Variants in METTL2B observed in about 807,000 individuals in gnomAD.
METTL2B encodes the protein methyltransferase 2B, tRNA N3-cytidine.
Under a neutral mutation model 51.0 loss-of-function variants are expected in METTL2B, and 28 were observed. The observed-to-expected ratio is 0.55, with a 90% CI of 0.41 to 0.75. METTL2B has a LOEUF of 0.75. METTL2B is among the 30% of genes least tolerant of loss of function. METTL2B has a pLI of 0.00. For missense variants in METTL2B, 313 were observed against 460.7 expected (o/e 0.68, Z 2.93); for synonymous variants, 128 against 166.3 (o/e 0.77, Z 1.77).
intron 4 of METTL2B, among the ~76,000 whole-genome samples, chr7:128,485,327 G>A (rs1315812033): frequency 6.6e-5 from 10 of 152,116 alleles, no homozygotes. Flanking sequence ...GAGCCCAGGA[G>A]TTCAAGACGA....
At chr7:128,496,611 A>G (rs530501355) in intron 6 of METTL2B, among the ~76,000 whole-genome samples, 26 of 152,274 alleles carry the variant, frequency 1.7e-4, no homozygotes, top group African/African-American at 5.5e-4. Context: ...GACATGGACT[A>G]AAACAAATTA....
At position 128,506,398 on chromosome 7, in the gene METTL2B, C is replaced by T. The variant is rs1378162227; in HGVS notation, c.*4482C>T. On this transcript the variant is annotated 3_prime_UTR_variant, in exon 9 of 9. Coordinates refer to ENST00000262432, the MANE Select transcript of METTL2B (RefSeq NM_018396.3). ...CTTAGATTAAAAAGACGAGCCTTCTCCTGCCCCTGCTCCCTTTTATTCCCT... is the reference window on the plus strand; with the variant it reads ...CTTAGATTAAAAAGACGAGCCTTCTTCTGCCCCTGCTCCCTTTTATTCCCT... 6.6e-6 allele frequency: 1 copy of T among 152,186 alleles called. No individual in the cohort carries two copies. The highest frequency in any genetic ancestry group is 1.9e-4 in the East Asian group (1 of 5,206). The allele number at this position is 152,186 out of a possible 1,614,324, so 9.4% of individuals were successfully genotyped here.
rs187350620 is a variant in METTL2B, at chr7:128,493,282, G to A, written c.670-522G>A. On this transcript the variant is annotated intron_variant, in intron 5 of 8. Transcript: ENST00000262432. ...GGCTGGAGTGCAATGGTACAATCTCGGCTCACTACAACCTCTGCCTCCTGG... is the reference window on the plus strand; with the variant it reads ...GGCTGGAGTGCAATGGTACAATCTCAGCTCACTACAACCTCTGCCTCCTGG... Among the ~76,000 whole-genome samples, 503 of 151,104 alleles carry A rather than the reference G, an allele frequency of 3.3e-3. 1 individual carries two copies. The highest frequency in any genetic ancestry group is 5.8e-3 in the Non-Finnish European group (391 of 67,906).
chr7:128,488,669 T>C (rs1344262397), intron 5 of METTL2B: 1 of 367,762 alleles, frequency 2.7e-6, no homozygotes, highest in African/African-American at 2.1e-5. Context: ...ATATTGCAAT[T>C]AGGCCACTTC....
intron 6 of METTL2B, among the ~76,000 whole-genome samples, chr7:128,496,409 A>T (rs1057507931): frequency 1.3e-5 from 2 of 152,134 alleles, no homozygotes; most frequent in African/African-American, 4.8e-5. Context: ...AAAATTAGCC[A>T]GGTGCATATT....
At chr7:128,492,826 T>C (rs202136877) in intron 5 of METTL2B, among the ~76,000 whole-genome samples, 7 of 150,942 alleles carry the variant, frequency 4.6e-5, no homozygotes, top group African/African-American at 1.5e-4. Flanking sequence ...CCATGTTAGC[T>C]AGGATGGTCT....
intron 2 of METTL2B, among the ~76,000 whole-genome samples, chr7:128,478,454 C>A (rs1041173139): frequency 6.6e-6 from 1 of 151,482 alleles, no homozygotes; most frequent in African/African-American, 2.4e-5. Flanking sequence ...TTTCACCATG[C>A]TGGCCAGGAT....
chr7:128,501,110 CACCCTGGGCTAGG>C, intron 8 of METTL2B, 142 bp downstream of exon 8: 3 of 1,520,766 alleles, frequency 2.0e-6, no homozygotes. Flanking sequence ...CACCCTCTTC[CACCCTGGGCTAGG>C]CTACCCATGG....
intron 4 of METTL2B, among the ~76,000 whole-genome samples, chr7:128,487,023 T>C (rs3958066): frequency 6.6e-6 from 1 of 152,356 alleles, no homozygotes; most frequent in Admixed American, 6.5e-5. Flanking sequence ...TGTGCAGTGA[T>C]GGAAATGTTC....
chr7:128,493,815 A>C lies in METTL2B; in HGVS notation c.681A>C (p.Glu227Asp). The C allele has an allele frequency of 6.2e-7, 1 of 1,608,380 alleles. No homozygotes were observed. The highest frequency in any genetic ancestry group is 8.5e-7 in the Non-Finnish European group (1 of 1,178,476). ...TAIELVQTNS[E>D]YDPSRCFAFV... Reference sequence around the variant, plus strand: ...CCACCTGTCTGCAGACAAATTCAGAATATGATCCTTCTCGGTGTTTTGCCT... The same window carrying C: ...CCACCTGTCTGCAGACAAATTCAGACTATGATCCTTCTCGGTGTTTTGCCT... Residue 227 changes from glutamate to aspartate, a missense_variant, in exon 6 of 9, where the codon GAA (glutamate) becomes GAC (aspartate). By Grantham distance (45) the Glu-to-Asp change is conservative. Transcript: ENST00000262432.
intron 4 of METTL2B, among the ~76,000 whole-genome samples, chr7:128,481,548 C>G (rs1309361365): frequency 6.6e-6 from 1 of 152,148 alleles, no homozygotes; most frequent in Non-Finnish European, 1.5e-5. Context: ...GAGTGGGGTT[C>G]AGAGGATCTC....
At chr7:128,489,826 C>T (rs539605640) in intron 5 of METTL2B, among the ~76,000 whole-genome samples, 1 of 151,320 alleles carries the variant, frequency 6.6e-6, no homozygotes, top group East Asian at 2.0e-4. Flanking sequence ...GACGGGGTTT[C>T]ACCGTTTTAG....
Position 128,476,853 on chromosome 7 carries a change from C to A in METTL2B, c.88C>A (p.Arg30Ser), listed in dbSNP as rs969939104. The A allele has an allele frequency of 6.2e-7, 1 of 1,613,948 alleles. No homozygotes were observed. Among genetic ancestry groups the A allele is most frequent in the Non-Finnish European group, 8.5e-7 (1 of 1,179,992 alleles). Reference protein sequence around the residue: ...FGSRFLSDPARVFHHNAWDNV... With the variant: ...FGSRFLSDPASVFHHNAWDNV... ...AAGCCGGTTCCTGAGCGATCCGGCG[C>A]GCGTCTTCCACCACAATGCCTGGTA... is the stretch of plus-strand genomic sequence containing the variant. Residue 30 changes from arginine to serine, a missense_variant, in exon 1 of 9, where the codon CGC (arginine) becomes AGC (serine). Physicochemically the swap from Arg to Ser is moderately radical, Grantham distance 110. Around this residue, in one of 4 missense-constraint regions of METTL2B, gnomAD observed 66 missense variants for 58.2 expected, o/e 1.13. Transcript: ENST00000262432.
At chr7:128,480,797 A>G in intron 4 of METTL2B, 101 bp downstream of exon 4, 1 of 1,217,500 alleles carries the variant, frequency 8.2e-7, no homozygotes, top group Non-Finnish European at 1.1e-6. Context: ...TGGGAGGCCA[A>G]AGCAGGATTG....
chr7:128,497,827 C>G (rs1484466163), intron 6 of METTL2B, among the ~76,000 whole-genome samples: 1 of 152,168 alleles, frequency 6.6e-6, no homozygotes, highest in Non-Finnish European at 1.5e-5. Flanking sequence ...TGTCCTTGGG[C>G]CTCTTCGGGC....
At chr7:128,501,513 T>C in intron 8 of METTL2B, 1 of 985,410 alleles carries the variant, frequency 1.0e-6, no homozygotes, top group Non-Finnish European at 1.2e-6. Flanking sequence ...TTTAAGGTGT[T>C]CATAGAGCCT....
At chr7:128,488,451 T>C (rs1478505161) in intron 5 of METTL2B, 1 of 581,248 alleles carries the variant, frequency 1.7e-6, no homozygotes, top group Non-Finnish European at 3.3e-6. Context: ...CTGTGTGTCA[T>C]GCTTTGGTGA....
chr7:128,502,683 G>A lies in METTL2B; in HGVS notation c.*767G>A. 1 of 434,154 alleles carries A rather than the reference G, an allele frequency of 2.3e-6. No individual in the cohort carries two copies. Among genetic ancestry groups the A allele is most frequent in the South Asian group, 1.6e-5 (1 of 61,420 alleles). 26.9% of individuals were successfully genotyped at this position (434,154 alleles called of 1,614,324 possible). On this transcript the variant is annotated 3_prime_UTR_variant, in exon 9 of 9. Coordinates refer to ENST00000262432, the MANE Select transcript of METTL2B (RefSeq NM_018396.3). ...GGAGGCCGAGGCGGGCAGATCACCTGAGGTCAGGAGTTCGAGACCAGCGTG... is the reference window on the plus strand; with the variant it reads ...GGAGGCCGAGGCGGGCAGATCACCTAAGGTCAGGAGTTCGAGACCAGCGTG...
chr7:128,499,517 CTTTTT>C (rs1297101344), intron 7 of METTL2B, among the ~76,000 whole-genome samples: 1 of 119,916 alleles, frequency 8.3e-6, no homozygotes. Flanking sequence ...TATTAACAGC[CTTTTT>C]TTTTTTTTTT....
Sources: allele counts gnomAD v4.1 joint callset (sites outside exome capture counted in the v4.1 genomes callset), GRCh38; gene constraint gnomAD v4.1.1; regional missense constraint gnomAD v4.1.1; transcripts MANE v1.5; gene names NCBI Gene and HGNC (gene_info 2026-07-23, HGNC 2026-07-21).